BTNL8: variants seen among roughly 807,000 people sequenced by gnomAD.
BTNL8 encodes the protein butyrophilin-like protein 8.
A neutral mutation model predicts 36.1 loss-of-function variants in BTNL8; 22 were observed. The observed-to-expected ratio is 0.61, with a 90% CI of 0.44 to 0.87. The LOEUF (loss-of-function observed/expected upper bound fraction) is 0.87. Ranked by LOEUF, BTNL8 falls within the 40% of genes least tolerant of loss-of-function variation. The pLI is 0.00. For synonymous variants in BTNL8, 203 were observed against 235.6 expected (o/e 0.86, Z 1.27); for missense variants, 526 against 616.9 (o/e 0.85, Z 1.56).
rs181173096 is a variant in BTNL8 at position 180,929,070 on chromosome 5, C to A, written c.673+17456C>A. On this transcript the variant is annotated intron_variant, in intron 3 of 7. Coordinates refer to ENST00000340184, the MANE Select transcript of BTNL8 (RefSeq NM_001040462.3). ...GTTGATCACATAATTCGAAACAGAA[C>A]ACTCCTCAGCAAATGCAAAAGAATG... is the stretch of plus-strand genomic sequence containing the variant. Among the ~76,000 whole-genome samples, 3 of 152,300 alleles carry A rather than the reference C, an allele frequency of 2.0e-5. No homozygotes were observed. In the East Asian group the frequency reaches 5.8e-4, roughly 29 times the overall value.
intron 2 of BTNL8, chr5:180,909,734 A>C: frequency 3.6e-6 from 1 of 278,270 alleles, no homozygotes; most frequent in Non-Finnish European, 5.4e-6. Context: ...AAAAAAAAAG[A>C]AGATGAAAGA....
intron 3 of BTNL8, among the ~76,000 whole-genome samples, chr5:180,929,940 G>A (rs1175540905): frequency 8.5e-6 from 1 of 118,094 alleles, no homozygotes; most frequent in Non-Finnish European, 1.7e-5. Flanking sequence ...TAGAAAGAGA[G>A]AAACTCCTTC....
intron 3 of BTNL8, among the ~76,000 whole-genome samples, chr5:180,923,645 A>G (rs1478181364): frequency 6.6e-6 from 1 of 152,120 alleles, no homozygotes; most frequent in Non-Finnish European, 1.5e-5. Flanking sequence ...CTGGAATAGT[A>G]ATCATTGCAA....
intron 3 of BTNL8, among the ~76,000 whole-genome samples, chr5:180,925,468 C>G (rs923043171): frequency 1.3e-5 from 2 of 152,170 alleles, no homozygotes; most frequent in East Asian, 3.8e-4. Context: ...CTCTTAGCAG[C>G]AATCCTGCAT....
rs1162403442 is a variant in BTNL8, at chr5:180,950,507, A to T, written c.1466A>T (p.Gln489Leu). Residue 489 changes from glutamine (Q) to leucine (L), a missense_variant, in exon 8 of 8, where the codon CAG (glutamine) becomes CTG (leucine). Gln to Leu is a moderately radical substitution (Grantham distance 113). Coordinates refer to ENST00000340184, the MANE Select transcript of BTNL8 (RefSeq NM_001040462.3). ...PETSNSESSS[Q>L]ATTPFLPRGE... ...ACAAGCAACAGTGAGTCCTCCTCAC[A>T]GGCAACCACGCCCTTCCTCCCCAGG... The T allele has an allele frequency of 6.8e-7, 1 of 1,463,268 alleles. No homozygotes were observed. Among genetic ancestry groups the T allele is most frequent in the Non-Finnish European group, 9.4e-7 (1 of 1,059,124 alleles). The allele number at this position is 1,463,268 out of a possible 1,614,324, so 90.6% of individuals were successfully genotyped here.
chr5:180,900,691 C>A (rs951611997), intron 1 of BTNL8, among the ~76,000 whole-genome samples: 1 of 152,154 alleles, frequency 6.6e-6, no homozygotes, highest in South Asian at 2.1e-4. Flanking sequence ...ATTCGTTGAG[C>A]AGGTGATTCT....
intron 3 of BTNL8, among the ~76,000 whole-genome samples, chr5:180,946,720 A>G (rs895212417): frequency 6.6e-6 from 1 of 152,238 alleles, no homozygotes; most frequent in African/African-American, 2.4e-5. Flanking sequence ...GTTAACAATA[A>G]TATATTGTAT....
chr5:180,909,064 CTTCT>C (rs1757261668), intron 2 of BTNL8, 131 bp downstream of exon 2: 1 of 902,552 alleles, frequency 1.1e-6, no homozygotes, highest in Non-Finnish European at 1.7e-6. Flanking sequence ...CTCTACGTTC[CTTCT>C]GTCTTGTGTG....
At chr5:180,901,973 A>G (rs888009558) in intron 1 of BTNL8, among the ~76,000 whole-genome samples, 1 of 152,258 alleles carries the variant, frequency 6.6e-6, no homozygotes, top group African/African-American at 2.4e-5. Flanking sequence ...ATTTTCAAAA[A>G]AAACTAAGGA....
chr5:180,900,379 G>A lies in BTNL8; in HGVS notation c.49+1020G>A, dbSNP rs147711187. Among the ~76,000 whole-genome samples the A allele has an allele frequency of 4.6e-4, 70 of 152,322 alleles. No homozygotes were observed. The East Asian group carries it at 0.01, about 22-fold the overall frequency. On this transcript the variant is annotated intron_variant, in intron 1 of 7. Coordinates refer to ENST00000340184, the MANE Select transcript of BTNL8 (RefSeq NM_001040462.3). Reference sequence around the variant, plus strand: ...ACGATCACATTCCTGCTGGGGCTGTGGTGAGGACTGCATGAGCTTGTGCAT... The same window carrying A: ...ACGATCACATTCCTGCTGGGGCTGTAGTGAGGACTGCATGAGCTTGTGCAT...
At chr5:180,937,861 C>A (rs1251691180) in intron 3 of BTNL8, among the ~76,000 whole-genome samples, 1 of 151,458 alleles carries the variant, frequency 6.6e-6, no homozygotes, top group African/African-American at 2.4e-5. Flanking sequence ...ACACAAGAGA[C>A]TAGAAATGGA....
In BTNL8 at chr5:180,911,412, G is replaced by A. The variant is rs534458966; in HGVS notation, c.471G>A (p.Ser157=). The A allele has an allele frequency of 5.0e-6, 8 of 1,614,180 alleles. No individual in the cohort carries two copies. The highest frequency in any genetic ancestry group is 1.1e-5 in the South Asian group (1 of 91,084). ...DRDIQLLCQS[S]GWFPRPTAKW... Reference sequence around the variant, plus strand: ...ACATCCAGCTACTCTGTCAGTCCTCGGGCTGGTTCCCCCGGCCCACAGCGA... The same window carrying A: ...ACATCCAGCTACTCTGTCAGTCCTCAGGCTGGTTCCCCCGGCCCACAGCGA... The change falls in exon 3 of 8, where the codon TCG becomes TCA. Residue 157 remains serine, a synonymous_variant. Transcript: ENST00000340184.
rs147237824 is a variant in BTNL8 at position 180,909,706 on chromosome 5, T to A, written c.397+773T>A. 384 of 278,288 alleles carry A rather than the reference T, an allele frequency of 1.4e-3. 2 individuals carry two copies. Among genetic ancestry groups the A allele is most frequent in the African/African-American group, 0.011 (367 of 34,782 alleles). The allele number at this position is 278,288 out of a possible 1,614,324, so 17.2% of individuals were successfully genotyped here. ...ACCAGCCTGGGCATATGGTAAGACCTCATCTCTATTAAAAAAAAAAAAAAA... is the reference window on the plus strand; with the variant it reads ...ACCAGCCTGGGCATATGGTAAGACCACATCTCTATTAAAAAAAAAAAAAAA... On this transcript the variant is annotated intron_variant, in intron 2 of 7. Coordinates refer to ENST00000340184, the MANE Select transcript of BTNL8 (RefSeq NM_001040462.3).
intron 1 of BTNL8, among the ~76,000 whole-genome samples, chr5:180,901,709 G>A (rs1254782824): frequency 6.6e-6 from 1 of 152,122 alleles, no homozygotes; most frequent in Non-Finnish European, 1.5e-5. Flanking sequence ...TTTCAAAAGC[G>A]AGGTGAGGAC....
intron 3 of BTNL8, among the ~76,000 whole-genome samples, chr5:180,941,123 AGG>A (rs1758922090): frequency 1.3e-5 from 2 of 149,756 alleles, no homozygotes; most frequent in Non-Finnish European, 1.5e-5. Context: ...GAAGGAAGGA[AGG>A]AAGGAAGGAA....
At chr5:180,899,429 T>A in intron 1 of BTNL8, 70 bp downstream of exon 1, 1 of 1,507,784 alleles carries the variant, frequency 6.6e-7, no homozygotes, top group South Asian at 1.1e-5. Flanking sequence ...GGTTGCAGCA[T>A]AATGGAATGA....
At chr5:180,928,576 C>T (rs1225605656) in intron 3 of BTNL8, among the ~76,000 whole-genome samples, 7 of 152,134 alleles carry the variant, frequency 4.6e-5, no homozygotes, top group South Asian at 2.1e-4. Flanking sequence ...ACCCATCTCA[C>T]GTGCAAAGAC....
intron 1 of BTNL8, among the ~76,000 whole-genome samples, chr5:180,900,215 G>A (rs1030847460): frequency 2.6e-5 from 4 of 152,164 alleles, no homozygotes; most frequent in South Asian, 4.1e-4. Context: ...TTCTGTTTCC[G>A]GGTGAGGCAG....
In BTNL8 at chr5:180,950,132, G is replaced by C. The variant is rs199751211; in HGVS notation, c.1091G>C (p.Arg364Thr). Residue 364 changes from arginine (R) to threonine (T), a missense_variant, in exon 8 of 8, where the codon AGG becomes ACG. Physicochemically the swap from Arg to Thr is moderately conservative, Grantham distance 71 (BLOSUM62 -1). Transcript: ENST00000340184. ...GGAGTGTGCCGGGATGATGTGGACA[G>C]GAGGAAGGAGTACGTGACTTTGTCT... ...RVGVCRDDVDRRKEYVTLSPD... is the reference protein window; with the variant it reads ...RVGVCRDDVDTRKEYVTLSPD... The C allele has an allele frequency of 2.7e-6, 4 of 1,462,982 alleles. No individual in the cohort carries two copies. The African/African-American group carries it at 5.5e-5, about 20-fold the overall frequency. The allele number at this position is 1,462,982 out of a possible 1,614,324, so 90.6% of individuals were successfully genotyped here.
Sources: allele counts gnomAD v4.1 joint callset (sites outside exome capture counted in the v4.1 genomes callset), GRCh38; gene constraint gnomAD v4.1.1; transcripts MANE v1.5; gene names NCBI Gene and HGNC (gene_info 2026-07-23, HGNC 2026-07-21).